The following BPTF variants were observed in gnomAD, a reference collection of about 807,000 sequenced individuals.
The protein encoded by BPTF is nucleosome-remodeling factor subunit BPTF.
In BPTF, 18 loss-of-function variants were observed where a neutral mutation model predicts 292.5. The ratio of observed to expected loss-of-function variants is 0.06; its 90% CI spans 0.04 to 0.09. The LOEUF (loss-of-function observed/expected upper bound fraction) is 0.09, where lower values mean the gene tolerates loss of function less well. Among genes scored for constraint, BPTF ranks in the 10% least tolerant of loss-of-function variants. The probability of loss-of-function intolerance (pLI) is 1.00; values close to 1 mark genes in which losing one functional copy is unlikely to be tolerated. For synonymous variants in BPTF, 1,225 were observed against 1,251.9 expected, an observed-to-expected ratio of 0.98 and a Z score of 0.45; for missense variants, 2,726 against 3,498.7, an observed-to-expected ratio of 0.78 and a Z score of 5.57.
intron 23 of BPTF, among the ~76,000 whole-genome samples, chr17:67,959,021 T>G (rs782591011): frequency 2.2e-4 from 34 of 152,322 alleles, no homozygotes; most frequent in Admixed American, 7.8e-4. Flanking sequence ...TGCACTACTC[T>G]CCCTGCAGTC....
At chr17:67,968,345 G>A (rs2068359987) in intron 26 of BPTF, among the ~76,000 whole-genome samples, 1 of 151,470 alleles carries the variant, frequency 6.6e-6, no homozygotes, top group African/African-American at 2.4e-5. Context: ...TTCTCCTGAT[G>A]TTGAAAATAG....
chr17:67,974,148 A>C (rs782728329), intron 26 of BPTF: 1 of 152,168 alleles, frequency 6.6e-6, no homozygotes, highest in Non-Finnish European at 1.5e-5. Flanking sequence ...ATTGGAGATT[A>C]CTGGCCTTTC....
At chr17:67,871,474 A>T (rs2059733520) in intron 3 of BPTF, among the ~76,000 whole-genome samples, 1 of 151,874 alleles carries the variant, frequency 6.6e-6, no homozygotes, top group African/African-American at 2.4e-5. Context: ...TATACAGTAA[A>T]TACTCATATA....
intron 4 of BPTF, among the ~76,000 whole-genome samples, chr17:67,889,914 G>A (rs1342307290): frequency 6.6e-6 from 1 of 152,128 alleles, no homozygotes; most frequent in South Asian, 2.1e-4. Flanking sequence ...TTCCAGCCTG[G>A]GGTGGCAAGA....
chr17:67,977,305 A>T (rs1799506624), intron 27 of BPTF, among the ~76,000 whole-genome samples: 1 of 151,982 alleles, frequency 6.6e-6, no homozygotes, highest in Admixed American at 6.6e-5. Flanking sequence ...ACTTGAGGTC[A>T]GCAGTTCAAG....
At chr17:67,870,101 A>G (rs953387617) in intron 3 of BPTF, among the ~76,000 whole-genome samples, 1 of 151,978 alleles carries the variant, frequency 6.6e-6, no homozygotes, top group African/African-American at 2.4e-5. Context: ...GTTCTTAGAA[A>G]GTTAGATGAC....
intron 15 of BPTF, among the ~76,000 whole-genome samples, chr17:67,927,122 A>C (rs771406246): frequency 7.2e-5 from 11 of 152,144 alleles, no homozygotes; most frequent in Non-Finnish European, 1.6e-4. Flanking sequence ...AAGGCAGGAG[A>C]TAGTGGTGCA....
intron 4 of BPTF, among the ~76,000 whole-genome samples, chr17:67,880,954 TATATAC>T (rs764074886): frequency 3.0e-5 from 3 of 98,788 alleles, no homozygotes; most frequent in African/African-American, 7.9e-5. Flanking sequence ...ATATTATATA[TATATAC>T]ACACACACAC....
At chr17:67,921,039 C>T (rs924598346) in intron 13 of BPTF, among the ~76,000 whole-genome samples, 2 of 150,858 alleles carry the variant, frequency 1.3e-5, no homozygotes, top group Non-Finnish European at 3.0e-5. Context: ...AAACCCTATC[C>T]CTACAAAACA....
chr17:67,960,097 C>T (rs928480180), intron 24 of BPTF: 6 of 441,196 alleles, frequency 1.4e-5, no homozygotes, highest in Admixed American at 4.0e-5. Flanking sequence ...ATATTCTTTT[C>T]TGTCAAAAAC....
At chr17:67,920,331 A>T (rs774948398) in intron 13 of BPTF, among the ~76,000 whole-genome samples, 188 bp downstream of exon 13, 1 of 152,238 alleles carries the variant, frequency 6.6e-6, no homozygotes, top group Non-Finnish European at 1.5e-5. Flanking sequence ...ATCGATGCCT[A>T]TAAGCCTTGT....
intron 3 of BPTF, among the ~76,000 whole-genome samples, chr17:67,870,065 G>C (rs1271428630): frequency 1.4e-5 from 2 of 147,466 alleles, no homozygotes; most frequent in African/African-American, 5.0e-5. Flanking sequence ...ACAACAAAGA[G>C]AACATTGAGC....
intron 7 of BPTF, among the ~76,000 whole-genome samples, 200 bp downstream of exon 7, chr17:67,894,365 G>A (rs1199166366): frequency 1.3e-5 from 2 of 151,632 alleles, no homozygotes; most frequent in African/African-American, 4.8e-5. Flanking sequence ...GTCTTGCACT[G>A]TTGCCCAGGC....
chr17:67,909,806 T>C, intron 10 of BPTF, 45 bp downstream of exon 10: 4 of 1,429,990 alleles, frequency 2.8e-6, no homozygotes, highest in Non-Finnish European at 3.7e-6. Context: ...GTGATAAGAA[T>C]GCACTGGATC....
chr17:67,896,074 T>G (rs936490088), intron 7 of BPTF, among the ~76,000 whole-genome samples: 1 of 151,720 alleles, frequency 6.6e-6, no homozygotes. Context: ...GCCATTCTCC[T>G]GCCTCAGCCT....
chr17:67,831,951 G>A (rs950601407), intron 1 of BPTF, among the ~76,000 whole-genome samples: 2 of 152,082 alleles, frequency 1.3e-5, no homozygotes, highest in Non-Finnish European at 2.9e-5. Flanking sequence ...GAGTGCAGTG[G>A]CATAATCTCG....
rs781935365 is a variant in BPTF, at chr17:67,940,471, A to C, written c.6292A>C (p.Arg2098=). 1.2e-6 allele frequency: 2 copies of C among 1,613,990 alleles called. No individual in the cohort carries two copies. Among genetic ancestry groups the C allele is most frequent in the Non-Finnish European group, 1.7e-6 (2 of 1,180,006 alleles). The change falls in exon 19 of 28, where the codon AGG becomes CGG. Residue 2098 remains arginine (R), a synonymous_variant. Coordinates refer to ENST00000306378, the MANE Select transcript of BPTF (RefSeq NM_182641.4). ...TCAGCAAGTGATGACTCAAATCATC[A>C]GGGGGCAGCCTGTCTCCACTGCAGT... ...APQQVMTQII[R]GQPVSTAVSA...
chr17:67,897,264 C>T (rs538268771), intron 7 of BPTF, among the ~76,000 whole-genome samples: 1 of 147,478 alleles, frequency 6.8e-6, no homozygotes, highest in Non-Finnish European at 1.5e-5. Context: ...TCGCTTGAAC[C>T]CGGGAGGCGG....
chr17:67,827,494 C>G (rs555583714), intron 1 of BPTF, among the ~76,000 whole-genome samples: 12 of 152,232 alleles, frequency 7.9e-5, no homozygotes, highest in African/African-American at 2.9e-4. Context: ...CAACAACCGG[C>G]AAGACTTTTC....
Sources: allele counts gnomAD v4.1 joint callset (sites outside exome capture counted in the v4.1 genomes callset), GRCh38; gene constraint gnomAD v4.1.1; transcripts MANE v1.5; gene names NCBI Gene and HGNC (gene_info 2026-07-23, HGNC 2026-07-21).